Variants in ATP6V1B1 observed in about 807,000 individuals in gnomAD.
ATP6V1B1 encodes ATPase H+ transporting V1 subunit B1.
In ATP6V1B1, 41 loss-of-function variants were observed where a neutral mutation model predicts 62.1. The observed-to-expected ratio is 0.66, with a 90% confidence interval of 0.51 to 0.86. The LOEUF is 0.86. Ranked by LOEUF, ATP6V1B1 falls within the 40% of genes least tolerant of loss-of-function variation. ATP6V1B1 has a pLI of 0.00. For missense variants in ATP6V1B1, 651 were observed against 697.5 expected (o/e 0.93, Z 0.75); for synonymous variants, 253 against 273.4 (o/e 0.93, Z 0.74).
chr2:70,948,081 T>C (rs1680229543), intron 2 of ATP6V1B1: 1 of 152,266 alleles, frequency 6.6e-6, no homozygotes, highest in African/African-American at 2.4e-5. Context: ...TGTGAAAACC[T>C]GATGGCCCTT....
At position 70,943,395 on chromosome 2, in the gene ATP6V1B1, TGGG is replaced by T. The variant is rs782181539; in HGVS notation, c.119-260_119-258del. The T allele has an allele frequency of 0.028, 17,350 of 618,612 alleles. 303 individuals carry two copies. The highest frequency in any genetic ancestry group is 0.034 in the Non-Finnish European group (11,427 of 339,624). The allele number at this position is 618,612 out of a possible 1,614,324, so 38.3% of individuals were successfully genotyped here. ...TCAGGGATGAGAGGCCTCTGTGTGGTGGGGGCGGACTCTGAGGAGGCCTCTGCC... is the reference window on the plus strand; with the variant it reads ...TCAGGGATGAGAGGCCTCTGTGTGGTGGCGGACTCTGAGGAGGCCTCTGCC... On this transcript the variant is annotated intron_variant, in intron 1 of 13. Coordinates refer to ENST00000234396, the MANE Select transcript of ATP6V1B1 (RefSeq NM_001692.4).
chr2:70,955,354 T>C (rs10209796), intron 2 of ATP6V1B1, among the ~76,000 whole-genome samples: 16,837 of 152,234 alleles, frequency 0.11, 1,060 homozygotes, highest in South Asian at 0.18. Flanking sequence ...AAAATTGAAA[T>C]ATAACTCACA....
chr2:70,959,569 A>G lies in ATP6V1B1; in HGVS notation c.446-370A>G, dbSNP rs1680532103. On this transcript the variant is annotated intron_variant, in intron 5 of 13. Transcript: ENST00000234396. This position sits in a 1 kb window ranked among gnomAD's most constrained non-coding sequence, Gnocchi z 4.2. ...GGCTGAGTCACCCGCAGGCCCTCTGAACCCTGCACTAGTATCTGGAGGTGG... is the reference window on the plus strand; with the variant it reads ...GGCTGAGTCACCCGCAGGCCCTCTGGACCCTGCACTAGTATCTGGAGGTGG... 6.6e-6 allele frequency among the ~76,000 whole-genome samples: 1 copy of G among 152,218 alleles called. No individual in the cohort carries two copies. Among genetic ancestry groups the G allele is most frequent in the Admixed American group, 6.5e-5 (1 of 15,284 alleles).
intron 8 of ATP6V1B1, among the ~76,000 whole-genome samples, chr2:70,962,267 G>A (rs1451822618): frequency 6.6e-6 from 1 of 152,156 alleles, no homozygotes; most frequent in Admixed American, 6.5e-5. Flanking sequence ...GCATAGGGAC[G>A]AGCACATTAG....
Position 70,959,153 on chromosome 2 carries a change from C to G in ATP6V1B1, c.445+58C>G. 11 of 1,560,846 alleles carry G rather than the reference C, an allele frequency of 7.0e-6. No homozygotes were observed. Among genetic ancestry groups the G allele is most frequent in the Non-Finnish European group, 9.7e-6 (11 of 1,133,246 alleles). Reference sequence around the variant, plus strand: ...ACCCAGCCCTAACACCTTCCCCACTCTTGGAAGTTCTGCCCAGACTCACAA... The same window carrying G: ...ACCCAGCCCTAACACCTTCCCCACTGTTGGAAGTTCTGCCCAGACTCACAA... On this transcript the variant is annotated intron_variant, in intron 5 of 13. Transcript: ENST00000234396. This position sits in a 1 kb window ranked among gnomAD's most constrained non-coding sequence, Gnocchi z 4.2.
chr2:70,959,274 C>G lies in ATP6V1B1; in HGVS notation c.445+179C>G, dbSNP rs1231719534. On this transcript the variant is annotated intron_variant, in intron 5 of 13. Coordinates refer to ENST00000234396, the MANE Select transcript of ATP6V1B1 (RefSeq NM_001692.4). This position sits in a 1 kb window ranked among gnomAD's most constrained non-coding sequence, Gnocchi z 4.2. ...GCCGTCAGCACTCCATGTCCATCCC[C>G]TGTAAAATGCCATCATCATTGGGCA... Among the ~76,000 whole-genome samples the G allele has an allele frequency of 5.3e-5, 8 of 152,260 alleles. No homozygotes were observed. Among genetic ancestry groups the G allele is most frequent in the Admixed American group, 3.9e-4 (6 of 15,286 alleles).
At chr2:70,944,248 A>G (rs1553416929) in intron 2 of ATP6V1B1, 1 of 1,286,842 alleles carries the variant, frequency 7.8e-7, no homozygotes, top group Non-Finnish European at 1.0e-6. Context: ...AGTGGGCCCC[A>G]CCAAAGGTAA....
chr2:70,954,424 C>T (rs1223796406), intron 2 of ATP6V1B1, among the ~76,000 whole-genome samples: 1 of 152,156 alleles, frequency 6.6e-6, no homozygotes, highest in Non-Finnish European at 1.5e-5. Flanking sequence ...CTTTTATGGT[C>T]AGAGAATATG....
intron 6 of ATP6V1B1, among the ~76,000 whole-genome samples, 162 bp from the exon 7 acceptor site, chr2:70,960,759 T>C (rs541020351): frequency 4.9e-5 from 7 of 142,032 alleles, no homozygotes; most frequent in African/African-American, 1.6e-4. Context: ...CAGCCCACAA[T>C]AACTCCCACC....
chr2:70,946,611 T>C (rs1558671399), intron 2 of ATP6V1B1, among the ~76,000 whole-genome samples: 1 of 152,184 alleles, frequency 6.6e-6, no homozygotes, highest in African/African-American at 2.4e-5. Context: ...AATAATAGGA[T>C]TATTGTGAGG....
chr2:70,964,986 G>A lies in ATP6V1B1; in HGVS notation c.1407G>A (p.Glu469=). 1 of 1,613,970 alleles carries A rather than the reference G, an allele frequency of 6.2e-7. No individual in the cohort carries two copies. The highest frequency in any genetic ancestry group is 8.5e-7 in the Non-Finnish European group (1 of 1,180,044). Residue 469 remains glutamate (E), a synonymous_variant, in exon 14 of 14, where the codon GAG becomes GAA. Transcript: ENST00000234396. ...QGPYENRSVF[E]SLDLGWKLLR... The stretch of plus-strand genomic sequence containing the variant: ...CCTACGAGAACCGCTCGGTGTTCGA[G>A]TCGCTGGACCTGGGCTGGAAGCTGC...
Position 70,936,037 on chromosome 2 carries a change from C to A in ATP6V1B1, c.83C>A (p.Ala28Glu), listed in dbSNP as rs200569195. 1 of 1,614,008 alleles carries A rather than the reference C, an allele frequency of 6.2e-7. No individual in the cohort carries two copies. Among genetic ancestry groups the A allele is most frequent in the Non-Finnish European group, 8.5e-7 (1 of 1,179,932 alleles). ...GGTGCAGCCCGAGAACACATGCAGGCGGTCACCCGAAACTACATCACCCAC... is the reference window on the plus strand; with the variant it reads ...GGTGCAGCCCGAGAACACATGCAGGAGGTCACCCGAAACTACATCACCCAC... Reference protein sequence around the residue: ...NLGAAREHMQAVTRNYITHPR... With the variant: ...NLGAAREHMQEVTRNYITHPR... Residue 28 changes from alanine (A) to glutamate (E), a missense_variant, in exon 1 of 14, where the codon GCG becomes GAG. Transcript: ENST00000234396.
chr2:70,955,090 G>A (rs1553418845), intron 2 of ATP6V1B1, among the ~76,000 whole-genome samples: 1 of 152,150 alleles, frequency 6.6e-6, no homozygotes. Context: ...GATTCCCCGG[G>A]GCAAAGCTCT....
intron 1 of ATP6V1B1, 180 bp from the exon 2 acceptor site, chr2:70,943,478 C>A: frequency 4.1e-6 from 3 of 733,720 alleles, no homozygotes; most frequent in Non-Finnish European, 7.2e-6. Context: ...AGGGGCCCTG[C>A]GGGCAGGGGC....
intron 2 of ATP6V1B1, among the ~76,000 whole-genome samples, chr2:70,945,234 G>A (rs1353723827): frequency 6.6e-5 from 10 of 152,176 alleles, no homozygotes; most frequent in Non-Finnish European, 1.0e-4. Flanking sequence ...TACCTGCAAC[G>A]ACTGTAATGT....
chr2:70,964,114 ATTTTT>A (rs66905923), intron 11 of ATP6V1B1: 170 of 127,244 alleles, frequency 1.3e-3, no homozygotes, highest in Middle Eastern at 3.8e-3. Flanking sequence ...CTTGGCAGGT[ATTTTT>A]TTTTTTTTTT....
chr2:70,946,150 G>T (rs929359404), intron 2 of ATP6V1B1, among the ~76,000 whole-genome samples: 1 of 152,112 alleles, frequency 6.6e-6, no homozygotes, highest in Admixed American at 6.5e-5. Context: ...GTACATTAAT[G>T]AGATAAATGA....
intron 1 of ATP6V1B1, chr2:70,940,203 T>G (rs2104799965): frequency 4.2e-6 from 1 of 235,296 alleles, no homozygotes; most frequent in Non-Finnish European, 6.9e-6. Flanking sequence ...CTAATGGGGA[T>G]TCTACATGAC....
At chr2:70,955,563 T>C (rs1680414531) in intron 2 of ATP6V1B1, among the ~76,000 whole-genome samples, 1 of 152,232 alleles carries the variant, frequency 6.6e-6, no homozygotes, top group Admixed American at 6.5e-5. Context: ...CATTTTCTAT[T>C]AATAGAACTG....
Sources: allele counts gnomAD v4.1 joint callset (sites outside exome capture counted in the v4.1 genomes callset), GRCh38; gene constraint gnomAD v4.1.1; non-coding constraint Gnocchi (gnomAD v3.1); transcripts MANE v1.5; gene names NCBI Gene and HGNC (gene_info 2026-07-23, HGNC 2026-07-21).